The following TTBK2 variants were observed in gnomAD, a reference collection of about 807,000 sequenced individuals.
TTBK2 encodes tau tubulin kinase 2.
In TTBK2, 28 loss-of-function variants were observed where a neutral mutation model predicts 110.8. The observed-to-expected ratio is 0.25, with a 90% CI of 0.19 to 0.35. The LOEUF is 0.35. Among genes scored for constraint, TTBK2 ranks in the 10% least tolerant of loss-of-function variants. The probability of loss-of-function intolerance (pLI) is 1.00; values close to 1 mark genes in which losing one functional copy is unlikely to be tolerated. For missense variants in TTBK2, 1,369 were observed against 1,500.3 expected, an observed-to-expected ratio of 0.91 and a Z score of 1.45; for synonymous variants, 532 against 527.3, an observed-to-expected ratio of 1.01 and a Z score of -0.12.
chr15:42,890,352 CAAT>C (rs1281273696), intron 1 of TTBK2, among the ~76,000 whole-genome samples: 12 of 152,206 alleles, frequency 7.9e-5, no homozygotes, highest in Non-Finnish European at 1.8e-4. Flanking sequence ...GGACATGAGA[CAAT>C]AAGCATATCC....
At chr15:42,851,333 A>G (rs1335577331) in intron 3 of TTBK2, among the ~76,000 whole-genome samples, 1 of 151,986 alleles carries the variant, frequency 6.6e-6, no homozygotes, top group East Asian at 1.9e-4. Flanking sequence ...TTTTCGACAG[A>G]AAAAGCAGAA....
chr15:42,891,981 A>G (rs1199436514), intron 1 of TTBK2, among the ~76,000 whole-genome samples: 1 of 152,216 alleles, frequency 6.6e-6, no homozygotes, highest in Non-Finnish European at 1.5e-5. Context: ...AAAAACAACC[A>G]TCAAACAACT....
At chr15:42,756,069 C>T (rs1402705562) in intron 13 of TTBK2, among the ~76,000 whole-genome samples, 1 of 151,116 alleles carries the variant, frequency 6.6e-6, no homozygotes, top group Non-Finnish European at 1.5e-5. Flanking sequence ...TGGTGGTGGG[C>T]GCCTGTAATC....
At chr15:42,854,102 A>AT (rs1302484894) in intron 3 of TTBK2, among the ~76,000 whole-genome samples, 2 of 151,782 alleles carry the variant, frequency 1.3e-5, no homozygotes, top group Non-Finnish European at 2.9e-5. Context: ...CAGCTGGCTA[A>AT]TTTTTTTATT....
intron 3 of TTBK2, among the ~76,000 whole-genome samples, chr15:42,863,665 C>G (rs1894248082): frequency 6.6e-6 from 1 of 152,076 alleles, no homozygotes; most frequent in African/African-American, 2.4e-5. Context: ...ATCACATTAC[C>G]CAACTTAAAA....
chr15:42,801,475 G>A (rs755205630), intron 9 of TTBK2: 1 of 792,694 alleles, frequency 1.3e-6, no homozygotes, highest in East Asian at 2.5e-5. Context: ...GCCAGCTGAT[G>A]TTCCGGTTCA....
chr15:42,756,323 T>C (rs1421483300), intron 13 of TTBK2, among the ~76,000 whole-genome samples: 6 of 152,140 alleles, frequency 3.9e-5, no homozygotes, highest in African/African-American at 1.4e-4. Context: ...CGGTGGCTCA[T>C]GCCTGTAATC....
chr15:42,879,561 A>G (rs1383860617), intron 1 of TTBK2, among the ~76,000 whole-genome samples: 1 of 152,072 alleles, frequency 6.6e-6, no homozygotes, highest in Non-Finnish European at 1.5e-5. Flanking sequence ...TAGCTACTCA[A>G]TTCTGCCACT....
chr15:42,833,586 T>C (rs1185208907), intron 4 of TTBK2, among the ~76,000 whole-genome samples: 1 of 152,108 alleles, frequency 6.6e-6, no homozygotes, highest in Non-Finnish European at 1.5e-5. Context: ...ACATTAAAAA[T>C]TGTCGGCCAG....
At chr15:42,778,429 G>A (rs1323845000) in intron 11 of TTBK2, among the ~76,000 whole-genome samples, 4 of 152,118 alleles carry the variant, frequency 2.6e-5, no homozygotes, top group African/African-American at 9.7e-5. Context: ...ACTTTCGGAA[G>A]CCAAGGAGGG....
At chr15:42,888,368 C>T (rs1850660935) in intron 1 of TTBK2, among the ~76,000 whole-genome samples, 1 of 152,128 alleles carries the variant, frequency 6.6e-6, no homozygotes, top group African/African-American at 2.4e-5. Flanking sequence ...ACCTGACCCC[C>T]GTGACTGTAT....
At chr15:42,759,186 C>A (rs1476975491) in intron 13 of TTBK2, among the ~76,000 whole-genome samples, 1 of 152,206 alleles carries the variant, frequency 6.6e-6, no homozygotes, top group Non-Finnish European at 1.5e-5. Flanking sequence ...GAAAACTAAC[C>A]CCTGCCATGC....
intron 3 of TTBK2, among the ~76,000 whole-genome samples, chr15:42,852,072 C>CTT (rs879407104): frequency 4.2e-5 from 6 of 141,804 alleles, no homozygotes; most frequent in East Asian, 2.0e-4. Context: ...ATATTACCAA[C>CTT]TTTTTTTTTT....
At chr15:42,804,595 AAAG>A (rs559179245) in intron 9 of TTBK2, among the ~76,000 whole-genome samples, 13 of 152,200 alleles carry the variant, frequency 8.5e-5, no homozygotes, top group Admixed American at 2.0e-4. Flanking sequence ...TATTTCTACT[AAAG>A]AAGAGTTACA....
intron 13 of TTBK2, among the ~76,000 whole-genome samples, chr15:42,768,098 C>T (rs946001085): frequency 2.6e-5 from 4 of 152,124 alleles, no homozygotes; most frequent in African/African-American, 4.8e-5. Flanking sequence ...AACTAGGTAT[C>T]GATGGAACGT....
intron 13 of TTBK2, among the ~76,000 whole-genome samples, chr15:42,774,636 A>G (rs1282258367): frequency 6.6e-6 from 1 of 152,196 alleles, no homozygotes; most frequent in Non-Finnish European, 1.5e-5. Context: ...CATTTTGAAC[A>G]GTGGCCATCA....
intron 1 of TTBK2, among the ~76,000 whole-genome samples, chr15:42,897,032 C>T (rs935353564): frequency 3.3e-5 from 5 of 151,974 alleles, no homozygotes; most frequent in African/African-American, 4.8e-5. Flanking sequence ...GCGCCTGCCA[C>T]CACACCTGGC....
intron 1 of TTBK2, among the ~76,000 whole-genome samples, chr15:42,913,422 G>A (rs558783881): frequency 2.0e-5 from 3 of 151,976 alleles, no homozygotes; most frequent in Non-Finnish European, 4.4e-5. Context: ...GGCGGATCAC[G>A]GGGTCAGGAG....
intron 1 of TTBK2, chr15:42,919,899 C>T (rs2031276848): frequency 1.3e-6 from 1 of 765,666 alleles, no homozygotes; most frequent in Non-Finnish European, 1.6e-6. Context: ...CCCAGGGTGT[C>T]AACATCATCT....
Sources: gnomAD v4.1 joint callset for allele counts (sites outside exome capture counted in the v4.1 genomes callset) on GRCh38, gnomAD v4.1.1 for gene constraint, MANE v1.5 for transcripts, NCBI Gene and HGNC (gene_info 2026-07-23, HGNC 2026-07-21) for gene names.